Variants in GNAL observed in about 807,000 individuals in gnomAD.
GNAL encodes the protein G protein subunit alpha L.
Under a neutral mutation model 55.1 loss-of-function variants are expected in GNAL, and 18 were observed. The observed-to-expected ratio is 0.33, with a 90% CI of 0.23 to 0.48. GNAL has a LOEUF of 0.48. Among genes scored for constraint, GNAL ranks in the 20% least tolerant of loss-of-function variants. The pLI, the probability that GNAL is intolerant of heterozygous loss-of-function variation, is 0.99. For missense variants in GNAL, 412 were observed against 614.1 expected (o/e 0.67, Z 3.48); for synonymous variants, 253 against 237.0 (o/e 1.07, Z -0.62).
At chr18:11,862,567 CA>C (rs1272969653) in intron 6 of GNAL, 118 bp downstream of exon 6, 8 of 864,554 alleles carry the variant, frequency 9.3e-6, no homozygotes, top group Non-Finnish European at 1.5e-5. Context: ...CTACTTTTTG[CA>C]AATTGTTTGT....
intron 5 of GNAL, among the ~76,000 whole-genome samples, chr18:11,849,107 C>T (rs554556025): frequency 1.3e-5 from 2 of 152,314 alleles, no homozygotes; most frequent in East Asian, 3.9e-4. Context: ...ATGTCTGGTG[C>T]ATAAGTACTT....
At chr18:11,813,322 A>T (rs1237431250) in intron 4 of GNAL, among the ~76,000 whole-genome samples, 1 of 152,142 alleles carries the variant, frequency 6.6e-6, no homozygotes, top group East Asian at 1.9e-4. Context: ...TTACACAACC[A>T]TTAACTGCCA....
chr18:11,750,879 C>A (rs2032803620), intron 1 of GNAL, among the ~76,000 whole-genome samples: 2 of 152,018 alleles, frequency 1.3e-5, no homozygotes, highest in African/African-American at 4.8e-5. Context: ...GGGAAACCAG[C>A]CGGTAGCAGG....
chr18:11,739,091 C>G (rs565360436), intron 1 of GNAL, among the ~76,000 whole-genome samples: 3 of 152,156 alleles, frequency 2.0e-5, no homozygotes, highest in Non-Finnish European at 2.9e-5. Flanking sequence ...CCCTGCGCAG[C>G]CTAGATCCCT....
Position 11,879,127 on chromosome 18 carries a change from T to A in GNAL, c.1231-1862T>A, listed in dbSNP as rs560236521. ...TAATAAAATATATATATATTAAAAATATATATATATAACCTACTCATTTTA... is the reference window on the plus strand; with the variant it reads ...TAATAAAATATATATATATTAAAAAAATATATATATAACCTACTCATTTTA... On this transcript the variant is annotated intron_variant, in intron 11 of 11. Transcript: ENST00000334049. Among the ~76,000 whole-genome samples, 89 of 149,748 alleles carry A rather than the reference T, an allele frequency of 5.9e-4. 1 individual carries two copies. The highest frequency in any genetic ancestry group is 1.4e-3 in the African/African-American group (58 of 40,956).
intron 1 of GNAL, among the ~76,000 whole-genome samples, chr18:11,703,312 G>T (rs2031622113): frequency 6.6e-6 from 1 of 152,192 alleles, no homozygotes; most frequent in Non-Finnish European, 1.5e-5. Flanking sequence ...CTTTAAGTCT[G>T]TTTAGTTGAA....
chr18:11,738,864 A>T (rs1279093458), intron 1 of GNAL, among the ~76,000 whole-genome samples: 3 of 152,130 alleles, frequency 2.0e-5, no homozygotes, highest in Admixed American at 6.5e-5. Flanking sequence ...GATGAGGAGG[A>T]TGTGCAGGTT....
intron 4 of GNAL, among the ~76,000 whole-genome samples, chr18:11,761,647 T>C (rs2033247675): frequency 6.6e-6 from 1 of 152,208 alleles, no homozygotes; most frequent in Non-Finnish European, 1.5e-5. Flanking sequence ...ATGGGATTTT[T>C]TGCCTCTCTC....
chr18:11,820,471 T>C (rs1198021419), intron 4 of GNAL, among the ~76,000 whole-genome samples: 3 of 152,230 alleles, frequency 2.0e-5, no homozygotes, highest in Non-Finnish European at 4.4e-5. Flanking sequence ...TTAAAAGTCT[T>C]TATGTTTTAG....
At chr18:11,855,057 A>C (rs759934741) in intron 5 of GNAL, among the ~76,000 whole-genome samples, 4 of 151,994 alleles carry the variant, frequency 2.6e-5, no homozygotes, top group Non-Finnish European at 5.9e-5. Context: ...AGTAGCTGGG[A>C]CTACAGATGC....
intron 10 of GNAL, among the ~76,000 whole-genome samples, chr18:11,873,581 G>C (rs774927420): frequency 1.3e-5 from 2 of 152,248 alleles, no homozygotes; most frequent in Admixed American, 6.5e-5. Flanking sequence ...CACTCAGCGT[G>C]AGGTCAAGGT....
intron 7 of GNAL, among the ~76,000 whole-genome samples, chr18:11,865,236 CG>C (rs3837887): frequency 0.64 from 94,987 of 148,534 alleles, 33,726 homozygotes; most frequent in East Asian, 0.9. Flanking sequence ...GAAGAAGGTT[CG>C]GGGCTCACTA....
At position 11,869,785 on chromosome 18, in the gene GNAL, T is replaced by G. The variant is rs58475063; in HGVS notation, c.1031+1122T>G. On this transcript the variant is annotated intron_variant, in intron 9 of 11. Transcript: ENST00000334049. ...AAAATTAGGCATGGTGGGGCGCGCT[T>G]GTAGTCCCAGCTACTTGGGAAGCTG... Among the ~76,000 whole-genome samples, 570 of 152,106 alleles carry G rather than the reference T, an allele frequency of 3.7e-3. 4 individuals are homozygous for G. Among genetic ancestry groups the G allele is most frequent in the African/African-American group, 0.013 (547 of 41,506 alleles).
At chr18:11,875,252 G>A (rs543331678) in intron 10 of GNAL, among the ~76,000 whole-genome samples, 2 of 152,248 alleles carry the variant, frequency 1.3e-5, no homozygotes, top group South Asian at 4.1e-4. Context: ...TGGAGGCTCC[G>A]AGCTTTCCTC....
chr18:11,781,914 T>C (rs567634458), intron 4 of GNAL, among the ~76,000 whole-genome samples: 1 of 152,300 alleles, frequency 6.6e-6, no homozygotes, highest in East Asian at 1.9e-4. Flanking sequence ...TGTTCAAGAA[T>C]ATTCATAGTG....
At chr18:11,873,190 G>A (rs1159247282) in intron 10 of GNAL, among the ~76,000 whole-genome samples, 1 of 152,148 alleles carries the variant, frequency 6.6e-6, no homozygotes, top group African/African-American at 2.4e-5. Context: ...AGAAAACGCA[G>A]AATAAAAGAC....
intron 5 of GNAL, among the ~76,000 whole-genome samples, chr18:11,849,665 T>C (rs1024089805): frequency 3.9e-5 from 6 of 152,166 alleles, no homozygotes; most frequent in African/African-American, 1.4e-4. Context: ...AAGCTCTCTA[T>C]ATCCACTTTG....
chr18:11,816,514 G>A (rs2034958898), intron 4 of GNAL, among the ~76,000 whole-genome samples: 1 of 152,028 alleles, frequency 6.6e-6, no homozygotes, highest in South Asian at 2.1e-4. Context: ...AGTCAGGATG[G>A]TCTCGATCTC....
chr18:11,851,474 T>G, intron 5 of GNAL: 1 of 1,498,166 alleles, frequency 6.7e-7, no homozygotes, highest in Non-Finnish European at 8.9e-7. Flanking sequence ...TCGGCGCGCT[T>G]CTCAGCCGGG....
Sources: gnomAD v4.1 joint callset for allele counts (sites outside exome capture counted in the v4.1 genomes callset) on GRCh38, gnomAD v4.1.1 for gene constraint, MANE v1.5 for transcripts, NCBI Gene and HGNC (gene_info 2026-07-23, HGNC 2026-07-21) for gene names.